CYTH1: variants seen among roughly 807,000 people sequenced by gnomAD.
The protein encoded by CYTH1 is cytohesin 1.
A neutral mutation model predicts 61.8 loss-of-function variants in CYTH1; 18 were observed. The ratio of observed to expected loss-of-function variants is 0.29; its 90% confidence interval spans 0.20 to 0.43. The LOEUF is 0.43. Among genes scored for constraint, CYTH1 ranks in the 20% least tolerant of loss-of-function variants. The pLI, the probability that CYTH1 is intolerant of heterozygous loss-of-function variation, is 1.00. For missense variants in CYTH1, 336 were observed against 510.5 expected (o/e 0.66, Z 3.29); for synonymous variants, 174 against 184.3 (o/e 0.94, Z 0.45).
intron 1 of CYTH1, among the ~76,000 whole-genome samples, chr17:78,734,921 T>A (rs2093313563): frequency 6.6e-6 from 1 of 152,104 alleles, no homozygotes. Context: ...ACTTCTGCCC[T>A]CCCCTGGGAT....
intron 1 of CYTH1, among the ~76,000 whole-genome samples, chr17:78,749,016 C>G (rs1008643423): frequency 6.6e-6 from 1 of 152,186 alleles, no homozygotes; most frequent in African/African-American, 2.4e-5. Flanking sequence ...GGGCCCAACA[C>G]ACCCACATAC....
chr17:78,728,536 G>A (rs370224549), intron 1 of CYTH1, among the ~76,000 whole-genome samples: 18 of 148,704 alleles, frequency 1.2e-4, no homozygotes, highest in African/African-American at 4.5e-4. Context: ...TAATGAGAGC[G>A]AAACTCCATC....
intron 1 of CYTH1, among the ~76,000 whole-genome samples, chr17:78,769,007 G>GT (rs2093459960): frequency 6.6e-6 from 1 of 152,038 alleles, no homozygotes; most frequent in Admixed American, 6.6e-5. Flanking sequence ...CTAGCCAGGT[G>GT]TGGTGGCACA....
intron 3 of CYTH1, among the ~76,000 whole-genome samples, chr17:78,707,240 C>A (rs1009396263): frequency 6.6e-6 from 1 of 152,094 alleles, no homozygotes; most frequent in Non-Finnish European, 1.5e-5. Context: ...AACAGTCCTA[C>A]GAAGCCAGAC....
intron 4 of CYTH1, 76 bp downstream of exon 4, chr17:78,702,462 C>T (rs560856887): frequency 1.1e-5 from 17 of 1,493,562 alleles, no homozygotes; most frequent in East Asian, 6.8e-5. Flanking sequence ...TGGAAAAAAA[C>T]GTTTTTAGGG....
chr17:78,681,829 C>T (rs1470775890), intron 11 of CYTH1, among the ~76,000 whole-genome samples: 3 of 127,480 alleles, frequency 2.4e-5, no homozygotes, highest in Non-Finnish European at 5.0e-5. Context: ...CAGAGCAAGA[C>T]TCTGTCTCAA....
chr17:78,683,190 C>T (rs773299705), intron 11 of CYTH1, among the ~76,000 whole-genome samples: 4 of 152,062 alleles, frequency 2.6e-5, no homozygotes, highest in Non-Finnish European at 5.9e-5. Flanking sequence ...TCTTGTTTCG[C>T]AGCTGTGATG....
At chr17:78,731,261 GA>G (rs1204427204) in intron 1 of CYTH1, among the ~76,000 whole-genome samples, 1 of 152,128 alleles carries the variant, frequency 6.6e-6, no homozygotes, top group Non-Finnish European at 1.5e-5. Flanking sequence ...TTCATTTGCA[GA>G]ACTGACCAGG....
intron 10 of CYTH1, among the ~76,000 whole-genome samples, chr17:78,695,201 A>G (rs1461415700): frequency 6.6e-6 from 1 of 152,176 alleles, no homozygotes; most frequent in Admixed American, 6.5e-5. Flanking sequence ...AAACCAGCAA[A>G]TGGAGAGGAG....
intron 1 of CYTH1, among the ~76,000 whole-genome samples, chr17:78,714,094 C>T (rs1047235314): frequency 6.6e-6 from 1 of 151,936 alleles, no homozygotes; most frequent in South Asian, 2.1e-4. Flanking sequence ...GTTCAAGACC[C>T]GTTTGACCAA....
intron 1 of CYTH1, among the ~76,000 whole-genome samples, chr17:78,752,509 CA>C (rs2093384406): frequency 6.6e-6 from 1 of 152,046 alleles, no homozygotes; most frequent in Non-Finnish European, 1.5e-5. Context: ...CTCAGCTCAC[CA>C]CAACCTCCGT....
Position 78,702,717 on chromosome 17 carries a change from G to C in CYTH1, c.171-113C>G, listed in dbSNP as rs1046958357. On this transcript the variant is annotated intron_variant, in intron 3 of 13. Transcript: ENST00000446868. ...GTTTTTGAAAGATTTATCCAGGAAA[G>C]CAACAGGCATAATCTGGTGGAACTA... 87 of 1,149,342 alleles carry C rather than the reference G, an allele frequency of 7.6e-5. No individual in the cohort carries two copies. In the African/African-American group the frequency reaches 1.3e-3, roughly 18 times the overall value. 71.2% of individuals were successfully genotyped at this position (1,149,342 alleles called of 1,614,324 possible).
At chr17:78,782,041 G>A (rs1376524228) in intron 1 of CYTH1, among the ~76,000 whole-genome samples, 161 bp downstream of exon 1, 2 of 148,808 alleles carry the variant, frequency 1.3e-5, no homozygotes, top group East Asian at 2.1e-4. Flanking sequence ...CCCGCCCCGC[G>A]AGGGCCCCGC....
rs1387856298 is a variant in CYTH1, at chr17:78,702,596, A to G, written c.179T>C (p.Met60Thr). The G allele has an allele frequency of 6.2e-7, 1 of 1,614,072 alleles. No individual in the cohort carries two copies. Among genetic ancestry groups the G allele is most frequent in the South Asian group, 1.1e-5 (1 of 91,072 alleles). Reference sequence around the variant, plus strand: ...CATGGCTACCTGTTTGTTCCTCTGCATGTTTTTCCTGTAAAACAACCATCA... The same window carrying G: ...CATGGCTACCTGTTTGTTCCTCTGCGTGTTTTTCCTGTAAAACAACCATCA... ...NLGSTEERKN[M>T]QRNKQVAMGR... The change falls in exon 4 of 14, where the codon ATG (methionine) becomes ACG (threonine). Residue 60 changes from methionine (M) to threonine (T), a missense_variant. This residue lies in a region of CYTH1 where 112 missense variants were observed against 127.1 expected (regional missense o/e 0.88). Coordinates refer to ENST00000446868, the MANE Select transcript of CYTH1 (RefSeq NM_004762.6).
intron 11 of CYTH1, among the ~76,000 whole-genome samples, chr17:78,684,122 C>G (rs1377381117): frequency 6.6e-6 from 1 of 152,160 alleles, no homozygotes; most frequent in Middle Eastern, 3.2e-3. Flanking sequence ...CTCCTGGTCA[C>G]CGGGAGAACC....
chr17:78,692,386 C>T, intron 11 of CYTH1, 31 bp downstream of exon 11: 1 of 1,612,696 alleles, frequency 6.2e-7, no homozygotes. Flanking sequence ...TTGCCCATCC[C>T]TAGTCTGGAG....
In CYTH1 at chr17:78,676,087, A is replaced by ACG; in HGVS notation, c.*2_*3dup. ...CCCGCAGACCAACGCCCTTGGCTGC[A>ACG]CGCTCAGTGTCGCTTCGTGGAGGAG... On this transcript the variant is annotated 3_prime_UTR_variant, in exon 14 of 14. Coordinates refer to ENST00000446868, the MANE Select transcript of CYTH1 (RefSeq NM_004762.6). 1 of 1,605,750 alleles carries ACG rather than the reference A, an allele frequency of 6.2e-7. No homozygotes were observed. Among genetic ancestry groups the ACG allele is most frequent in the South Asian group, 1.1e-5 (1 of 89,014 alleles).
chr17:78,739,709 C>T (rs1169464555), intron 1 of CYTH1, among the ~76,000 whole-genome samples: 1 of 152,196 alleles, frequency 6.6e-6, no homozygotes, highest in Non-Finnish European at 1.5e-5. Context: ...GAAGAACAGA[C>T]TGGAGACAGC....
intron 1 of CYTH1, among the ~76,000 whole-genome samples, chr17:78,776,387 T>C (rs1026379399): frequency 7.2e-5 from 11 of 152,182 alleles, no homozygotes; most frequent in Admixed American, 6.5e-4. Context: ...CCAGGCGCAA[T>C]GGCTCACACC....
Sources: allele counts gnomAD v4.1 joint callset (sites outside exome capture counted in the v4.1 genomes callset), GRCh38; gene constraint gnomAD v4.1.1; regional missense constraint gnomAD v4.1.1; transcripts MANE v1.5; gene names NCBI Gene and HGNC (gene_info 2026-07-23, HGNC 2026-07-21).